Variants in CYP7B1 observed in about 807,000 individuals in gnomAD.
CYP7B1 encodes the protein cytochrome P450 7B1.
In CYP7B1, 29 loss-of-function variants were observed where a neutral mutation model predicts 42.7. That is an observed-to-expected ratio of 0.68 (90% CI 0.51 to 0.93). The LOEUF is 0.93. Among genes scored for constraint, CYP7B1 ranks in the 40% least tolerant of loss-of-function variants. CYP7B1 has a pLI of 0.00. For synonymous variants in CYP7B1, 235 were observed against 218.2 expected (o/e 1.08, Z -0.68); for missense variants, 655 against 600.5 (o/e 1.09, Z -0.95).
At chr8:64,784,743 T>C (rs1804493617) in intron 1 of CYP7B1, among the ~76,000 whole-genome samples, 1 of 152,138 alleles carries the variant, frequency 6.6e-6, no homozygotes, top group South Asian at 2.1e-4. Context: ...GCACTTATTT[T>C]GAATAGTATA....
In CYP7B1 at chr8:64,596,529, A is replaced by G. The variant is rs1286923093; in HGVS notation, c.*113T>C. On this transcript the variant is annotated 3_prime_UTR_variant, in exon 6 of 6. Coordinates refer to ENST00000310193, the MANE Select transcript of CYP7B1 (RefSeq NM_004820.5). ...ACTGATATCAGATCAAATAGAAATTAGCGCTTTTTAAACAAATAAATCAAT... is the reference window on the plus strand; with the variant it reads ...ACTGATATCAGATCAAATAGAAATTGGCGCTTTTTAAACAAATAAATCAAT... 5.5e-6 allele frequency: 6 copies of G among 1,091,504 alleles called. No individual in the cohort carries two copies. Among genetic ancestry groups the G allele is most frequent in the Non-Finnish European group, 7.9e-6 (6 of 761,294 alleles). 67.6% of individuals were successfully genotyped at this position (1,091,504 alleles called of 1,614,324 possible).
At chr8:64,729,704 G>GT (rs1361669819) in intron 1 of CYP7B1, among the ~76,000 whole-genome samples, 1 of 152,144 alleles carries the variant, frequency 6.6e-6, no homozygotes, top group Non-Finnish European at 1.5e-5. Flanking sequence ...AAGAAATGGG[G>GT]TAAGCATCTT....
intron 1 of CYP7B1, among the ~76,000 whole-genome samples, chr8:64,686,037 T>G (rs1158506343): frequency 2.0e-5 from 2 of 99,680 alleles, no homozygotes; most frequent in African/African-American, 4.2e-5. Flanking sequence ...AGCCACCCCG[T>G]CCGGGAGGGA....
intron 1 of CYP7B1, among the ~76,000 whole-genome samples, chr8:64,668,549 C>A (rs955050590): frequency 1.3e-4 from 19 of 151,890 alleles, no homozygotes; most frequent in South Asian, 8.3e-4. Context: ...CTTACTAAAT[C>A]TATTCCTTTT....
At chr8:64,604,560 A>G (rs1805247069) in intron 5 of CYP7B1, 122 bp downstream of exon 5, 4 of 970,450 alleles carry the variant, frequency 4.1e-6, no homozygotes, top group Middle Eastern at 2.4e-4. Flanking sequence ...GGAATAATAG[A>G]AGCCATCAAG....
intron 1 of CYP7B1, among the ~76,000 whole-genome samples, chr8:64,727,179 C>T (rs1313306936): frequency 6.6e-6 from 1 of 152,168 alleles, no homozygotes; most frequent in East Asian, 1.9e-4. Context: ...CCTGGGAGTT[C>T]TACTTCTGAG....
At chr8:64,788,319 A>G (rs1040900494) in intron 1 of CYP7B1, among the ~76,000 whole-genome samples, 2 of 152,198 alleles carry the variant, frequency 1.3e-5, no homozygotes, top group African/African-American at 4.8e-5. Context: ...CCCAGATACC[A>G]TTGTTTTTCA....
chr8:64,770,404 G>C (rs1268590580), intron 1 of CYP7B1, among the ~76,000 whole-genome samples: 1 of 152,200 alleles, frequency 6.6e-6, no homozygotes, highest in Non-Finnish European at 1.5e-5. Flanking sequence ...GCTGAGATAT[G>C]ATGGAAATGG....
At chr8:64,614,015 C>G (rs1215537585) in intron 4 of CYP7B1, among the ~76,000 whole-genome samples, 2 of 152,064 alleles carry the variant, frequency 1.3e-5, no homozygotes, top group African/African-American at 4.8e-5. Flanking sequence ...AATAAAGAAA[C>G]AGAAATATGT....
chr8:64,798,301 G>GA (rs2129745973), intron 1 of CYP7B1, among the ~76,000 whole-genome samples, 165 bp downstream of exon 1: 1 of 152,366 alleles, frequency 6.6e-6, no homozygotes, highest in Admixed American at 6.5e-5. Flanking sequence ...GAAAAAGACA[G>GA]AAGAAGCCTT....
chr8:64,674,277 C>A (rs987981955), intron 1 of CYP7B1, among the ~76,000 whole-genome samples: 1 of 152,080 alleles, frequency 6.6e-6, no homozygotes, highest in African/African-American at 2.4e-5. Context: ...TGCCATTATT[C>A]TTTTGTCGCT....
chr8:64,647,597 GTCCAAA>G (rs1208554115), intron 1 of CYP7B1, among the ~76,000 whole-genome samples: 1 of 152,184 alleles, frequency 6.6e-6, no homozygotes, highest in African/African-American at 2.4e-5. Flanking sequence ...TTCAGTCTGA[GTCCAAA>G]GGCCTGAGAA....
At chr8:64,730,820 C>A (rs1807397842) in intron 1 of CYP7B1, among the ~76,000 whole-genome samples, 1 of 151,292 alleles carries the variant, frequency 6.6e-6, no homozygotes, top group South Asian at 2.1e-4. Flanking sequence ...CTCTGTTTCC[C>A]CACCCAAATT....
intron 2 of CYP7B1, among the ~76,000 whole-genome samples, chr8:64,621,676 T>C (rs1805531583): frequency 6.6e-6 from 1 of 151,760 alleles, no homozygotes. Context: ...ATAATATAAT[T>C]CCTCTAAGAT....
At chr8:64,647,410 G>A (rs1304320132) in intron 1 of CYP7B1, among the ~76,000 whole-genome samples, 3 of 152,148 alleles carry the variant, frequency 2.0e-5, no homozygotes, top group African/African-American at 7.2e-5. Context: ...TGATAGATTT[G>A]CTTAATTCAG....
intron 1 of CYP7B1, among the ~76,000 whole-genome samples, chr8:64,655,027 G>A (rs1033182253): frequency 5.3e-5 from 8 of 152,022 alleles, no homozygotes; most frequent in East Asian, 1.9e-4. Context: ...AACTCCAGAC[G>A]GATTAAAAGC....
chr8:64,741,364 G>C (rs1807565210), intron 1 of CYP7B1, among the ~76,000 whole-genome samples: 1 of 152,044 alleles, frequency 6.6e-6, no homozygotes, highest in Non-Finnish European at 1.5e-5. Context: ...TTGTTGCCCA[G>C]GTTGGAGTGT....
intron 1 of CYP7B1, among the ~76,000 whole-genome samples, chr8:64,645,798 T>C (rs1158517843): frequency 6.6e-6 from 1 of 152,046 alleles, no homozygotes; most frequent in African/African-American, 2.4e-5. Flanking sequence ...CTTCAAACTA[T>C]ACTACAAGGC....
Position 64,779,932 on chromosome 8 carries a change from G to T in CYP7B1, c.122+18534C>A, listed in dbSNP as rs913554772. ...ACAAATCCAGTACCTAAACATGAAA[G>T]TCCAGTACCTAAACCTAAATATGTA... On this transcript the variant is annotated intron_variant, in intron 1 of 5. Transcript: ENST00000310193. Among the ~76,000 whole-genome samples, 3 of 152,178 alleles carry T rather than the reference G, an allele frequency of 2.0e-5. No individual in the cohort carries two copies. The South Asian group carries it at 6.2e-4, about 32-fold the overall frequency.
Sources: allele counts gnomAD v4.1 joint callset (sites outside exome capture counted in the v4.1 genomes callset), GRCh38; gene constraint gnomAD v4.1.1; transcripts MANE v1.5; gene names NCBI Gene and HGNC (gene_info 2026-07-23, HGNC 2026-07-21).